LRFN2: variants seen among roughly 807,000 people sequenced by gnomAD.
LRFN2 encodes the protein leucine-rich repeat and fibronectin type-III domain-containing protein 2.
A neutral mutation model predicts 37.3 loss-of-function variants in LRFN2; 18 were observed. The observed-to-expected ratio is 0.48, with a 90% confidence interval of 0.33 to 0.72. The LOEUF (loss-of-function observed/expected upper bound fraction) is 0.72. Among genes scored for constraint, LRFN2 ranks in the 30% least tolerant of loss-of-function variants. The pLI is 0.02. For missense variants in LRFN2, 1,006 were observed against 1,060.7 expected (o/e 0.95, Z 0.72); for synonymous variants, 556 against 466.6 (o/e 1.19, Z -2.47).
At chr6:40,461,286 C>T (rs889901832) in intron 1 of LRFN2, among the ~76,000 whole-genome samples, 1 of 151,926 alleles carries the variant, frequency 6.6e-6, no homozygotes, top group Admixed American at 6.6e-5. Flanking sequence ...GTCACACCTG[C>T]AGTCCCAGCT....
At chr6:40,554,350 T>C (rs1766830143) in intron 1 of LRFN2, among the ~76,000 whole-genome samples, 1 of 152,170 alleles carries the variant, frequency 6.6e-6, no homozygotes, top group Non-Finnish European at 1.5e-5. Context: ...CCTAAACGGC[T>C]GTCTCCCTGC....
intron 1 of LRFN2, among the ~76,000 whole-genome samples, chr6:40,538,801 G>A (rs1766499716): frequency 6.6e-6 from 1 of 152,272 alleles, no homozygotes; most frequent in Admixed American, 6.5e-5. Context: ...CTGGGGGGAA[G>A]GAGGGCAGTG....
chr6:40,577,108 C>CTTCTCTTCTCTTCTCTTCTCTTCTTCTCT (rs1554145947), intron 1 of LRFN2, among the ~76,000 whole-genome samples: 1 of 104,588 alleles, frequency 9.6e-6, no homozygotes. Context: ...CTTTTCCTTT[C>CTTCTCTTCTCTTCTCTTCTCTTCTTCTCT]TTTTCTTTTT....
chr6:40,443,699 C>T lies in LRFN2; in HGVS notation c.-18-10568G>A, dbSNP rs565633781. On this transcript the variant is annotated intron_variant, in intron 1 of 2. Transcript: ENST00000338305. ...TATCAGTCAGGGGCTTGAGAGGAAA[C>T]AGATGAGAGAATCCAAGCAGCAGCT... 7.2e-5 allele frequency among the ~76,000 whole-genome samples: 11 copies of T among 152,160 alleles called. No homozygotes were observed. In the South Asian group the frequency reaches 1.7e-3, roughly 23 times the overall value.
At chr6:40,481,458 G>C (rs1204830828) in intron 1 of LRFN2, among the ~76,000 whole-genome samples, 1 of 125,168 alleles carries the variant, frequency 8.0e-6, no homozygotes, top group Non-Finnish European at 1.8e-5. Context: ...AAAAAAAAAA[G>C]AGAGAAAGAA....
chr6:40,565,624 A>G (rs1490184300), intron 1 of LRFN2, among the ~76,000 whole-genome samples: 1 of 152,208 alleles, frequency 6.6e-6, no homozygotes, highest in African/African-American at 2.4e-5. Context: ...GACAAAAACA[A>G]GAAATGGGGA....
intron 1 of LRFN2, among the ~76,000 whole-genome samples, chr6:40,478,930 A>G (rs1019627890): frequency 6.6e-6 from 1 of 152,212 alleles, no homozygotes; most frequent in Non-Finnish European, 1.5e-5. Flanking sequence ...TGAATCTAGC[A>G]CCACTCCCTT....
At chr6:40,436,396 C>A (rs550515958) in intron 1 of LRFN2, among the ~76,000 whole-genome samples, 1 of 152,174 alleles carries the variant, frequency 6.6e-6, no homozygotes. Flanking sequence ...CAGAGGTGAG[C>A]CATTGCTGCA....
chr6:40,514,167 T>C (rs1483480932), intron 1 of LRFN2, among the ~76,000 whole-genome samples: 1 of 151,916 alleles, frequency 6.6e-6, no homozygotes, highest in African/African-American at 2.4e-5. Flanking sequence ...CAAGGAATGC[T>C]CTACAGGGTG....
At chr6:40,418,853 T>C (rs922674730) in intron 2 of LRFN2, among the ~76,000 whole-genome samples, 1 of 152,150 alleles carries the variant, frequency 6.6e-6, no homozygotes, top group Admixed American at 6.5e-5. Flanking sequence ...CTCAGAAACA[T>C]AGCTACTTTG....
At chr6:40,452,983 T>C (rs964043989) in intron 1 of LRFN2, among the ~76,000 whole-genome samples, 2 of 152,178 alleles carry the variant, frequency 1.3e-5, no homozygotes, top group African/African-American at 4.8e-5. Flanking sequence ...TTATGTAAAA[T>C]AAGAGTGACT....
intron 1 of LRFN2, among the ~76,000 whole-genome samples, chr6:40,453,820 T>G (rs1411825542): frequency 3.3e-5 from 5 of 152,172 alleles, no homozygotes; most frequent in African/African-American, 1.2e-4. Context: ...AACAAACTAA[T>G]TTCAAGGCTC....
intron 1 of LRFN2, among the ~76,000 whole-genome samples, chr6:40,486,709 T>G (rs1764966870): frequency 6.6e-6 from 1 of 152,038 alleles, no homozygotes; most frequent in Non-Finnish European, 1.5e-5. Flanking sequence ...TGGCACTAAG[T>G]TTTTTGAGGG....
chr6:40,562,835 TCACACACA>T lies in LRFN2; in HGVS notation c.-19+24098_-19+24105del, dbSNP rs773357501. On this transcript the variant is annotated intron_variant, in intron 1 of 2. Transcript: ENST00000338305. ...AGCGTGCTTATGTGCGTGCACTCAC[TCACACACA>T]CACACACACACACACACACACACAC... Among the ~76,000 whole-genome samples, 8 of 125,704 alleles carry T rather than the reference TCACACACA, an allele frequency of 6.4e-5. 1 individual carries two copies. Among genetic ancestry groups the T allele is most frequent in the South Asian group, 5.2e-4 (2 of 3,882 alleles). 82.5% of individuals were successfully genotyped at this position (125,704 alleles called of 152,430 possible).
At chr6:40,498,725 T>A (rs1230839547) in intron 1 of LRFN2, among the ~76,000 whole-genome samples, 1 of 152,176 alleles carries the variant, frequency 6.6e-6, no homozygotes, top group Non-Finnish European at 1.5e-5. Context: ...TGGCAGTGAA[T>A]GAAGCCAATC....
At chr6:40,585,628 C>T (rs895299638) in intron 1 of LRFN2, among the ~76,000 whole-genome samples, 9 of 152,154 alleles carry the variant, frequency 5.9e-5, no homozygotes, top group African/African-American at 2.2e-4. Context: ...TCCAAATCGG[C>T]CCCCACACAA....
chr6:40,517,982 AG>A lies in LRFN2; in HGVS notation c.-19+68958del, dbSNP rs562642211. 1.2e-4 allele frequency among the ~76,000 whole-genome samples: 19 copies of A among 152,236 alleles called. No homozygotes were observed. In the South Asian group the frequency reaches 3.7e-3, roughly 30 times the overall value. Reference sequence around the variant, plus strand: ...CACTTTCTCTGACTCCTCATCTCCCAGTTCACCCCCTTTCCAAGTAGAAGTA... The same window carrying A: ...CACTTTCTCTGACTCCTCATCTCCCATTCACCCCCTTTCCAAGTAGAAGTA... On this transcript the variant is annotated intron_variant, in intron 1 of 2. Transcript: ENST00000338305.
At position 40,484,057 on chromosome 6, in the gene LRFN2, T is replaced by C. The variant is rs563388337; in HGVS notation, c.-18-50926A>G. ...TTTGGCAAAACCTTTACCAAGGGGA[T>C]CTTGAGGGGCTTTCTGTGTACCCAT... On this transcript the variant is annotated intron_variant, in intron 1 of 2. Coordinates refer to ENST00000338305, the MANE Select transcript of LRFN2 (RefSeq NM_020737.3). 2.0e-5 allele frequency among the ~76,000 whole-genome samples: 3 copies of C among 152,274 alleles called. No individual in the cohort carries two copies. The South Asian group carries it at 6.2e-4, about 32-fold the overall frequency.
intron 1 of LRFN2, among the ~76,000 whole-genome samples, chr6:40,489,585 C>T (rs1349087754): frequency 6.6e-6 from 1 of 151,984 alleles, no homozygotes; most frequent in Non-Finnish European, 1.5e-5. Flanking sequence ...GGGCAGCAGC[C>T]CAGCCTGGGA....
Sources: gnomAD v4.1 joint callset for allele counts (sites outside exome capture counted in the v4.1 genomes callset) on GRCh38, gnomAD v4.1.1 for gene constraint, MANE v1.5 for transcripts, NCBI Gene and HGNC (gene_info 2026-07-23, HGNC 2026-07-21) for gene names.